The following IFFO2 variants were observed in gnomAD, a reference collection of about 807,000 sequenced individuals.
IFFO2 encodes the protein intermediate filament family orphan 2.
In IFFO2, 19 loss-of-function variants were observed where a neutral mutation model predicts 53.5. The ratio of observed to expected loss-of-function variants is 0.36; its 90% confidence interval spans 0.25 to 0.52. The LOEUF is 0.52. Among genes scored for constraint, IFFO2 ranks in the 20% least tolerant of loss-of-function variants. The probability of loss-of-function intolerance (pLI) is 0.94; values close to 1 mark genes in which losing one functional copy is unlikely to be tolerated. For synonymous variants in IFFO2, 303 were observed against 313.6 expected (o/e 0.97, Z 0.36); for missense variants, 570 against 727.4 (o/e 0.78, Z 2.49).
chr1:18,942,177 C>T (rs1936529869), intron 1 of IFFO2, among the ~76,000 whole-genome samples: 1 of 152,248 alleles, frequency 6.6e-6, no homozygotes, highest in South Asian at 2.1e-4. Context: ...GAGCCTGACC[C>T]AGGAAAGGCT....
intron 1 of IFFO2, among the ~76,000 whole-genome samples, chr1:18,929,657 ACTT>A (rs879303140): frequency 0.86 from 130,451 of 151,788 alleles, 56,313 homozygotes; most frequent in African/African-American, 0.92. Flanking sequence ...CTCTGTGGTG[ACTT>A]GAGAGGTGAG....
intron 7 of IFFO2, 57 bp from the exon 8 acceptor site, chr1:18,910,529 C>T: frequency 3.2e-6 from 5 of 1,552,460 alleles, no homozygotes; most frequent in Non-Finnish European, 4.4e-6. Flanking sequence ...TGACAGAAGC[C>T]TCGGCAACCT....
rs1935926598 is a variant in IFFO2 at position 18,904,987 on chromosome 1, C to T, written c.*3574G>A. On this transcript the variant is annotated 3_prime_UTR_variant, in exon 9 of 9. Coordinates refer to ENST00000455833, the MANE Select transcript of IFFO2 (RefSeq NM_001136265.2). ...GAAGTCGTGTGCTCCCACTGTCACCCATGCTCTGCTGCCTCCCAACCCTCT... is the reference window on the plus strand; with the variant it reads ...GAAGTCGTGTGCTCCCACTGTCACCTATGCTCTGCTGCCTCCCAACCCTCT... The T allele has an allele frequency of 6.6e-6, 1 of 152,324 alleles. No homozygotes were observed. The highest frequency in any genetic ancestry group is 2.4e-5 in the African/African-American group (1 of 41,430). 9.4% of individuals were successfully genotyped at this position (152,324 alleles called of 1,614,324 possible). A position where few individuals can be genotyped will look rare whatever the true frequency, so the allele number is the denominator to read the frequency against.
chr1:18,908,661 G>A lies in IFFO2; in HGVS notation c.1454C>T (p.Ser485Leu), dbSNP rs1935988099. The part of the protein sequence containing the change: ...RLIKGSADRN[S>L]PSPSSVASSD... ...GCTGGCCACGGAGCTGGGGGACGGT[G>A]AATTCCTGAGAAGCACAAGAGAGTG... The change falls in exon 9 of 9, where the codon TCA becomes TTA. Residue 485 changes from serine (S) to leucine (L), a missense_variant. Physicochemically the swap from Ser to Leu is moderately radical, Grantham distance 145 (BLOSUM62 -2). Transcript: ENST00000455833. 4.5e-6 allele frequency: 7 copies of A among 1,550,320 alleles called. No homozygotes were observed. Among genetic ancestry groups the A allele is most frequent in the African/African-American group, 2.7e-5 (2 of 73,116 alleles).
At position 18,936,893 on chromosome 1, in the gene IFFO2, G is replaced by A. The variant is rs76487756; in HGVS notation, c.666-15772C>T. On this transcript the variant is annotated intron_variant, in intron 1 of 8. Transcript: ENST00000455833. The surrounding 1 kb of genome is among the most constrained non-coding windows in gnomAD (Gnocchi z 4.5). ...CTCAGTCTCCTCACCTGTAAAATGG[G>A]TGAGAATGACCCCACCTGGATTCAA... 0.024 allele frequency among the ~76,000 whole-genome samples: 3,588 copies of A among 151,396 alleles called. 96 individuals carry two copies. Among genetic ancestry groups the A allele is most frequent in the East Asian group, 0.11 (571 of 5,108 alleles).
intron 1 of IFFO2, 150 bp downstream of exon 1, chr1:18,955,518 C>G: frequency 8.0e-7 from 1 of 1,242,690 alleles, no homozygotes; most frequent in Non-Finnish European, 1.1e-6. Flanking sequence ...CTGGGCCTTC[C>G]TGGCGTACGT....
chr1:18,918,592 G>C lies in IFFO2; in HGVS notation c.823-90C>G. The C allele has an allele frequency of 1.4e-6, 2 of 1,396,288 alleles. No homozygotes were observed. The highest frequency in any genetic ancestry group is 2.0e-6 in the Non-Finnish European group (2 of 1,017,418). 86.5% of individuals were successfully genotyped at this position (1,396,288 alleles called of 1,614,324 possible). ...GAGGTGGGGAGACCCCTAGGTGTCA[G>C]CAGGGGTGGTGCGGGGAGGCCTCCA... On this transcript the variant is annotated intron_variant, in intron 3 of 8. Transcript: ENST00000455833. The surrounding 1 kb of genome is among the most constrained non-coding windows in gnomAD (Gnocchi z 5.2).
intron 5 of IFFO2, among the ~76,000 whole-genome samples, chr1:18,913,021 T>C (rs4911977): frequency 0.047 from 7,150 of 152,306 alleles, 271 homozygotes; most frequent in Admixed American, 0.11. Context: ...ATCACTTGAC[T>C]CAGTGCATCG....
chr1:18,913,543 G>T (rs981227256), intron 5 of IFFO2, among the ~76,000 whole-genome samples: 1 of 152,228 alleles, frequency 6.6e-6, no homozygotes, highest in African/African-American at 2.4e-5. Context: ...CCCAGCGGGG[G>T]AGACCCACAC....
intron 1 of IFFO2, among the ~76,000 whole-genome samples, chr1:18,924,494 C>T (rs985455292): frequency 7.2e-5 from 11 of 152,188 alleles, no homozygotes; most frequent in African/African-American, 2.7e-4. Context: ...CACCAAGAGG[C>T]GGGTGCACCT....
At chr1:18,952,383 C>T (rs1437036002) in intron 1 of IFFO2, among the ~76,000 whole-genome samples, 1 of 152,132 alleles carries the variant, frequency 6.6e-6, no homozygotes, top group Non-Finnish European at 1.5e-5. Context: ...GTTTCCAAAG[C>T]ACAGTTTGTG....
rs1935915457 is a variant in IFFO2, at chr1:18,904,420, C to T, written c.*4141G>A. On this transcript the variant is annotated 3_prime_UTR_variant, in exon 9 of 9. Transcript: ENST00000455833. ...CCATGAGTATAAATCCCCCCCTTCC[C>T]TGTGATGCTAGACCCAGCTGGCAGA... The T allele has an allele frequency of 6.6e-6, 1 of 152,216 alleles. No individual in the cohort carries two copies. Among genetic ancestry groups the T allele is most frequent in the African/African-American group, 2.4e-5 (1 of 41,442 alleles). 9.4% of individuals were successfully genotyped at this position (152,216 alleles called of 1,614,324 possible). A position where few individuals can be genotyped will look rare whatever the true frequency, so the allele number is the denominator to read the frequency against.
At chr1:18,945,554 T>C (rs1936575797) in intron 1 of IFFO2, among the ~76,000 whole-genome samples, 1 of 152,222 alleles carries the variant, frequency 6.6e-6, no homozygotes, top group Non-Finnish European at 1.5e-5. Context: ...CGGAAGGCGC[T>C]GTCTCCGCTG....
chr1:18,930,733 A>G (rs377425213), intron 1 of IFFO2, among the ~76,000 whole-genome samples: 1 of 152,168 alleles, frequency 6.6e-6, no homozygotes, highest in Non-Finnish European at 1.5e-5. Flanking sequence ...TTTGGGCAAC[A>G]TGGGGCCCAG....
rs1184878330 is a variant in IFFO2 at position 18,928,948 on chromosome 1, TCAA to T, written c.666-7830_666-7828del. ...CCATCAGGGCTCTGACAGCCTGCAC[TCAA>T]CAGCAGACACCCGCTGGGTGCCCTC... On this transcript the variant is annotated intron_variant, in intron 1 of 8. Transcript: ENST00000455833. The surrounding 1 kb of genome is among the most constrained non-coding windows in gnomAD (Gnocchi z 4.9). 6.6e-6 allele frequency among the ~76,000 whole-genome samples: 1 copy of T among 152,134 alleles called. No individual in the cohort carries two copies. The highest frequency in any genetic ancestry group is 1.5e-5 in the Non-Finnish European group (1 of 68,026).
chr1:18,912,166 C>G, intron 5 of IFFO2, 83 bp from the exon 6 acceptor site: 1 of 1,509,410 alleles, frequency 6.6e-7, no homozygotes. Flanking sequence ...GGGCAGCTGC[C>G]CAGCAGGTAC....
chr1:18,944,428 C>T (rs1187978046), intron 1 of IFFO2, among the ~76,000 whole-genome samples: 1 of 152,096 alleles, frequency 6.6e-6, no homozygotes, highest in East Asian at 1.9e-4. Flanking sequence ...CTCCCCCCAG[C>T]CCCAATTCCT....
chr1:18,919,281 G>A lies in IFFO2; in HGVS notation c.822+397C>T, dbSNP rs1004749417. Among the ~76,000 whole-genome samples the A allele has an allele frequency of 1.3e-5, 2 of 152,146 alleles. No individual in the cohort carries two copies. The highest frequency in any genetic ancestry group is 2.4e-5 in the African/African-American group (1 of 41,424). The stretch of plus-strand genomic sequence containing the variant: ...CCCTGCCAAAGGCCGCTGGGCCTGC[G>A]AGTCTCTCAGGCCCGCACAGACCAG... On this transcript the variant is annotated intron_variant, in intron 3 of 8. Transcript: ENST00000455833. The surrounding 1 kb of genome is among the most constrained non-coding windows in gnomAD (Gnocchi z 4.9).
intron 5 of IFFO2, 108 bp from the exon 6 acceptor site, chr1:18,912,191 G>C (rs1296633756): frequency 7.2e-7 from 1 of 1,381,542 alleles, no homozygotes; most frequent in African/African-American, 1.4e-5. Flanking sequence ...CTTCAAGGCT[G>C]TCCTCAGGAA....
Sources: gnomAD v4.1 joint callset for allele counts (sites outside exome capture counted in the v4.1 genomes callset) on GRCh38, gnomAD v4.1.1 for gene constraint, Gnocchi (gnomAD v3.1) non-coding constraint, MANE v1.5 for transcripts, NCBI Gene and HGNC (gene_info 2026-07-23, HGNC 2026-07-21) for gene names.